STK32A: variants seen among roughly 807,000 people sequenced by gnomAD.
The protein encoded by STK32A is serine/threonine-protein kinase 32A.
STK32A carries 41 observed loss-of-function variants against 53.2 expected under a neutral mutation model. The observed-to-expected ratio is 0.77, with a 90% CI of 0.60 to 1.00. STK32A has a LOEUF of 1.00. Among genes scored for constraint, STK32A ranks in the 50% least tolerant of loss-of-function variants. The pLI, the probability that STK32A is intolerant of heterozygous loss-of-function variation, is 0.00. For synonymous variants in STK32A, 166 were observed against 162.8 expected, an observed-to-expected ratio of 1.02 and a Z score of -0.15; for missense variants, 458 against 485.8, an observed-to-expected ratio of 0.94 and a Z score of 0.54.
chr5:147,389,906 A>T (rs553249613), downstream of STK32A, among the ~76,000 whole-genome samples: 1 of 152,170 alleles, frequency 6.6e-6, no homozygotes, highest in Non-Finnish European at 1.5e-5. Context: ...CCTAAGAAGG[A>T]AGCACTTACT....
In STK32A at chr5:147,239,597, A is replaced by G. The variant is rs766923162; in HGVS notation, c.-38A>G. Reference sequence around the variant, plus strand: ...CGAAGATGGGTGTTTCTGCCCGGATAGTATAAATCGAGGATCCAGGTCTGG... The same window carrying G: ...CGAAGATGGGTGTTTCTGCCCGGATGGTATAAATCGAGGATCCAGGTCTGG... On this transcript the variant is annotated 5_prime_UTR_variant, in exon 2 of 13. In the 5' UTR this introduces an upstream ATG that the reference lacks. Transcript: ENST00000397936. 9.8e-6 allele frequency: 15 copies of G among 1,536,852 alleles called. No homozygotes were observed. Among genetic ancestry groups the G allele is most frequent in the African/African-American group, 2.8e-5 (2 of 72,552 alleles).
chr5:147,380,923 C>A (rs926522520), intron 11 of STK32A, among the ~76,000 whole-genome samples: 5 of 152,148 alleles, frequency 3.3e-5, no homozygotes, highest in African/African-American at 1.2e-4. Flanking sequence ...GCCTCTTATA[C>A]AAATATAAGG....
At chr5:147,268,904 A>G (rs1284847262) in intron 2 of STK32A, among the ~76,000 whole-genome samples, 2 of 152,130 alleles carry the variant, frequency 1.3e-5, no homozygotes, top group African/African-American at 4.8e-5. Flanking sequence ...AAATATGAAC[A>G]TTGTTGTGAG....
At chr5:147,375,322 T>C in intron 11 of STK32A, 104 bp downstream of exon 11, 1 of 1,427,126 alleles carries the variant, frequency 7.0e-7, no homozygotes. Context: ...CTGCTTTTGC[T>C]GCTTAGTGAA....
chr5:147,329,096 A>AC (rs1463152868), intron 5 of STK32A, among the ~76,000 whole-genome samples: 1 of 152,190 alleles, frequency 6.6e-6, no homozygotes, highest in Admixed American at 6.5e-5. Flanking sequence ...AGAGTTGCAA[A>AC]AATTTCATTT....
intron 5 of STK32A, among the ~76,000 whole-genome samples, chr5:147,341,008 C>G (rs1333885339): frequency 6.6e-6 from 1 of 152,156 alleles, no homozygotes; most frequent in African/African-American, 2.4e-5. Context: ...GTAGTTAACA[C>G]AATGATGTAT....
chr5:147,368,750 A>T (rs976831156), intron 8 of STK32A, among the ~76,000 whole-genome samples: 21 of 152,224 alleles, frequency 1.4e-4, no homozygotes, highest in African/African-American at 5.1e-4. Context: ...TGGAGATTTT[A>T]AAAATTAAAT....
chr5:147,379,088 T>G (rs1200953855), intron 11 of STK32A, among the ~76,000 whole-genome samples: 4 of 151,880 alleles, frequency 2.6e-5, no homozygotes, highest in Admixed American at 6.6e-5. Context: ...TTGTGTCCTC[T>G]CTGATTTCCT....
chr5:147,258,142 TAG>T (rs1235015360), intron 2 of STK32A, among the ~76,000 whole-genome samples: 1 of 103,200 alleles, frequency 9.7e-6, no homozygotes, highest in East Asian at 2.4e-4. Flanking sequence ...ATGATTCTTA[TAG>T]ACTCTTTTTA....
At chr5:147,323,155 A>T (rs923086022) in intron 4 of STK32A, among the ~76,000 whole-genome samples, 6 of 152,130 alleles carry the variant, frequency 3.9e-5, no homozygotes, top group African/African-American at 1.4e-4. Context: ...TGTGAATGGG[A>T]GCGTAGGTCC....
At chr5:147,326,775 G>A (rs975145119) in intron 5 of STK32A, among the ~76,000 whole-genome samples, 1 of 152,196 alleles carries the variant, frequency 6.6e-6, no homozygotes, top group Non-Finnish European at 1.5e-5. Flanking sequence ...GAGAGCTAAA[G>A]AGGATGCTAT....
In STK32A at chr5:147,370,730, C is replaced by CT. The variant is rs1419842641; in HGVS notation, c.739dup (p.Ser247PhefsTer12). The CT allele has an allele frequency of 1.2e-6, 2 of 1,612,594 alleles. No homozygotes were observed. The highest frequency in any genetic ancestry group is 2.2e-5 in the South Asian group (2 of 91,034). ...TTTGAGACGACTGTTGTAACTTACC[C>CT]TTCTGCCTGGTCACAGGAAATGGTG... On this transcript the variant is annotated frameshift_variant, in exon 9 of 13. Coordinates refer to ENST00000397936, the MANE Select transcript of STK32A (RefSeq NM_001112724.2). LOFTEE classifies it high-confidence loss of function.
chr5:147,393,807 G>A, the STK32A span: 4 of 547,896 alleles, frequency 7.3e-6, no homozygotes, highest in South Asian at 8.6e-5. Flanking sequence ...GCATGTAAAT[G>A]GGGGGAGGGG....
intron 7 of STK32A, among the ~76,000 whole-genome samples, chr5:147,358,888 T>C (rs972344992): frequency 3.9e-5 from 6 of 152,176 alleles, no homozygotes; most frequent in Non-Finnish European, 7.4e-5. Context: ...TATTGATCTA[T>C]ATAGAAAAAC....
intron 4 of STK32A, among the ~76,000 whole-genome samples, chr5:147,305,904 G>A (rs1332854892): frequency 6.6e-6 from 1 of 151,098 alleles, no homozygotes; most frequent in Non-Finnish European, 1.5e-5. Flanking sequence ...CTAGGACCCA[G>A]TGATTTAATT....
intron 2 of STK32A, among the ~76,000 whole-genome samples, chr5:147,265,147 T>G (rs1754750614): frequency 6.7e-6 from 1 of 148,640 alleles, no homozygotes; most frequent in South Asian, 2.1e-4. Context: ...TATTTTTATA[T>G]ATATTTATAT....
At chr5:147,401,987 T>C in the STK32A span, 4 of 283,956 alleles carry the variant, frequency 1.4e-5, no homozygotes, top group South Asian at 1.7e-4. Context: ...AATATACATA[T>C]TGATTTCAAG....
At chr5:147,296,435 C>T (rs185927462) in intron 4 of STK32A, among the ~76,000 whole-genome samples, 7 of 151,590 alleles carry the variant, frequency 4.6e-5, no homozygotes, top group Non-Finnish European at 8.8e-5. Flanking sequence ...GTGGACTGTC[C>T]GCATGTGCAG....
Position 147,373,210 on chromosome 5 carries a change from T to G in STK32A, c.819T>G (p.Ser273=). 1 of 1,613,508 alleles carries G rather than the reference T, an allele frequency of 6.2e-7. No homozygotes were observed. Among genetic ancestry groups the G allele is most frequent in the Non-Finnish European group, 8.5e-7 (1 of 1,179,588 alleles). ...CAGACCAACGATTTTCTCAGTTATC[T>G]GATGTCCAGAACTTCCCGTATATGA... The part of the protein sequence containing the change: ...PNPDQRFSQL[S]DVQNFPYMND... Residue 273 remains serine (S), a synonymous_variant, in exon 10 of 13, where the codon TCT becomes TCG. Transcript: ENST00000397936.
Sources: allele counts gnomAD v4.1 joint callset (sites outside exome capture counted in the v4.1 genomes callset), GRCh38; gene constraint gnomAD v4.1.1; transcripts MANE v1.5; gene names NCBI Gene and HGNC (gene_info 2026-07-23, HGNC 2026-07-21).